The following ASB2 variants were observed in gnomAD, a reference collection of about 807,000 sequenced individuals.
ASB2 encodes the protein ankyrin repeat and SOCS box protein 2.
A neutral mutation model predicts 62.4 loss-of-function variants in ASB2; 58 were observed. The ratio of observed to expected loss-of-function variants is 0.93; its 90% CI spans 0.75 to 1.16. ASB2 has a LOEUF of 1.16. Ranked by LOEUF, ASB2 falls within the 50% of genes most tolerant of loss-of-function variation. The probability of loss-of-function intolerance (pLI) is 0.00; values close to 1 mark genes in which losing one functional copy is unlikely to be tolerated. For missense variants in ASB2, 928 were observed against 887.9 expected (o/e 1.05, Z -0.57); for synonymous variants, 386 against 385.3 (o/e 1.00, Z -0.02).
At chr14:93,966,437 T>C (rs7155044) in intron 1 of ASB2, among the ~76,000 whole-genome samples, 77,349 of 152,054 alleles carry the variant, frequency 0.51, 20,560 homozygotes, top group East Asian at 0.98. Context: ...AAAGAGAGAG[T>C]AGTGAACAAA....
At position 93,971,399 on chromosome 14, in the gene ASB2, T is replaced by C. The variant is rs72700353; in HGVS notation, c.-74+5035A>G. On this transcript the variant is annotated intron_variant, in intron 1 of 9. Coordinates refer to ENST00000555019, the MANE Select transcript of ASB2 (RefSeq NM_001202429.2). ...CCCTGCCCTCTCTGCTCACATCATCTGCTGCCCTAGACTTTGGAGGCTTGA... is the reference window on the plus strand; with the variant it reads ...CCCTGCCCTCTCTGCTCACATCATCCGCTGCCCTAGACTTTGGAGGCTTGA... 9.2e-3 allele frequency among the ~76,000 whole-genome samples: 1,399 copies of C among 152,356 alleles called. 14 individuals carry two copies. The highest frequency in any genetic ancestry group is 0.024 in the Middle Eastern group (7 of 294).
rs748013844 is a variant in ASB2, at chr14:93,956,909, C to T, written c.207-39G>A. The stretch of plus-strand genomic sequence containing the variant: ...AGCAGGAGTGAAAGAGGGAAAAGTA[C>T]TCTGCATAGGAGAAGCGGGTCATGG... On this transcript the variant is annotated intron_variant, in intron 2 of 9. Coordinates refer to ENST00000555019, the MANE Select transcript of ASB2 (RefSeq NM_001202429.2). 4.3e-6 allele frequency: 7 copies of T among 1,613,608 alleles called. No individual in the cohort carries two copies. In the African/African-American group the frequency reaches 8.0e-5, roughly 18 times the overall value.
At chr14:93,946,755 T>C (rs1264848562) in intron 7 of ASB2, among the ~76,000 whole-genome samples, 1 of 152,248 alleles carries the variant, frequency 6.6e-6, no homozygotes, top group Non-Finnish European at 1.5e-5. Flanking sequence ...TCACTCAGAG[T>C]ATCTAGCACT....
At chr14:93,952,148 C>A (rs1282643470) in intron 5 of ASB2, among the ~76,000 whole-genome samples, 3 of 152,244 alleles carry the variant, frequency 2.0e-5, no homozygotes, top group African/African-American at 7.2e-5. Flanking sequence ...CCTTCTACCT[C>A]TCTAAGCCTT....
chr14:93,957,170 G>A, intron 2 of ASB2: 1 of 1,355,468 alleles, frequency 7.4e-7, no homozygotes, highest in Non-Finnish European at 9.4e-7. Context: ...CACGAAAGAG[G>A]CAGATAGGAA....
chr14:93,966,734 C>T (rs1454125407), intron 1 of ASB2, among the ~76,000 whole-genome samples: 1 of 152,208 alleles, frequency 6.6e-6, no homozygotes, highest in African/African-American at 2.4e-5. Context: ...ACGAATGTCT[C>T]TCAGGCCTGG....
intron 1 of ASB2, among the ~76,000 whole-genome samples, chr14:93,975,909 C>G (rs561281899): frequency 6.6e-6 from 1 of 152,238 alleles, no homozygotes; most frequent in African/African-American, 2.4e-5. Flanking sequence ...ACATAAATAA[C>G]ATTCCTCCAT....
rs111466526 is a variant in ASB2, at chr14:93,974,917, G to A, written c.-74+1517C>T. On this transcript the variant is annotated intron_variant, in intron 1 of 9. Transcript: ENST00000555019. ...GGGTTAGACAGTGTCCCCCACCCCC[G>A]CCACCACAAGGCACTCATGACCCGG... 2.9e-3 allele frequency among the ~76,000 whole-genome samples: 437 copies of A among 151,464 alleles called. 1 individual carries two copies. Among genetic ancestry groups the A allele is most frequent in the African/African-American group, 9.4e-3 (388 of 41,266 alleles).
intron 1 of ASB2, among the ~76,000 whole-genome samples, chr14:93,967,960 G>A (rs535994864): frequency 5.6e-4 from 86 of 152,232 alleles, no homozygotes; most frequent in African/African-American, 1.9e-3. Context: ...AAGCTACTTC[G>A]CTATGCTGTA....
At chr14:93,963,416 C>G (rs1889476348) in intron 2 of ASB2, among the ~76,000 whole-genome samples, 1 of 152,154 alleles carries the variant, frequency 6.6e-6, no homozygotes, top group African/African-American at 2.4e-5. Context: ...GGAGCAAAAG[C>G]AATTTTATGG....
chr14:93,970,959 C>T (rs530498752), intron 1 of ASB2, among the ~76,000 whole-genome samples: 38 of 152,334 alleles, frequency 2.5e-4, no homozygotes, highest in Non-Finnish European at 5.0e-4. Flanking sequence ...TTCCACAGGT[C>T]CCAAGATGCT....
At position 93,975,024 on chromosome 14, in the gene ASB2, C is replaced by T. The variant is rs1324656147; in HGVS notation, c.-74+1410G>A. ...CCAGCTTCTTGGGGACGCTGTGCAG[C>T]ACATGGGCCTGCCACCAGCTGTCAG... On this transcript the variant is annotated intron_variant, in intron 1 of 9. Coordinates refer to ENST00000555019, the MANE Select transcript of ASB2 (RefSeq NM_001202429.2). Among the ~76,000 whole-genome samples the T allele has an allele frequency of 3.9e-5, 6 of 152,244 alleles. 1 individual carries two copies.
Position 93,939,445 on chromosome 14 carries a change from G to A in ASB2, c.1280C>T (p.Thr427Ile), listed in dbSNP as rs1888418078. Residue 427 changes from threonine (T) to isoleucine (I), a missense_variant, in exon 8 of 10, where the codon ACC (threonine) becomes ATC (isoleucine). Coordinates refer to ENST00000555019, the MANE Select transcript of ASB2 (RefSeq NM_001202429.2). ...GGCGCCGTGTTGCAGCAGCAGCTCG[G>A]TGGCGTACACGTTGTTGTTGACCAC... ...FAVVNNNVYA[T>I]ELLLQHGADP... 6.2e-7 allele frequency: 1 copy of A among 1,612,588 alleles called. No homozygotes were observed. The highest frequency in any genetic ancestry group is 1.3e-5 in the African/African-American group (1 of 74,926).
chr14:93,946,656 G>GA (rs1332902048), intron 7 of ASB2, among the ~76,000 whole-genome samples: 1 of 152,210 alleles, frequency 6.6e-6, no homozygotes, highest in Non-Finnish European at 1.5e-5. Flanking sequence ...CAGCTCTTCG[G>GA]CATGCTCTTT....
chr14:93,957,224 G>T (rs1163417979), intron 2 of ASB2: 35 of 1,248,462 alleles, frequency 2.8e-5, no homozygotes, highest in Non-Finnish European at 3.5e-5. Flanking sequence ...GCCGTGGTCG[G>T]CAGGTCCCAG....
In ASB2 at chr14:93,934,561, T is replaced by A. The variant is rs1888200461; in HGVS notation, c.*95A>T. ...GAGAGGGAGGCAGCCTGCAGCCTCG[T>A]CTGTCACCAGGTCCCCTTGGAGTTG... On this transcript the variant is annotated 3_prime_UTR_variant, in exon 10 of 10. Coordinates refer to ENST00000555019, the MANE Select transcript of ASB2 (RefSeq NM_001202429.2). 1 of 1,349,342 alleles carries A rather than the reference T, an allele frequency of 7.4e-7. No homozygotes were observed. Among genetic ancestry groups the A allele is most frequent in the East Asian group, 2.3e-5 (1 of 43,378 alleles). The allele number at this position is 1,349,342 out of a possible 1,614,324, so 83.6% of individuals were successfully genotyped here.
chr14:93,964,456 A>C lies in ASB2; in HGVS notation c.84T>G (p.Asp28Glu). The change falls in exon 2 of 10, where the codon GAT (aspartate) becomes GAG (glutamate). Residue 28 changes from aspartate to glutamate, a missense_variant. Asp to Glu is a conservative substitution (Grantham distance 45). Transcript: ENST00000555019. ...EYSLYSSLSEDELVQMAIEQS... is the reference protein window; with the variant it reads ...EYSLYSSLSEEELVQMAIEQS... ...GCTCGATGGCCATCTGCACCAGTTC[A>C]TCCTCGCTCAGGCTGCTGTACAGGC... is the stretch of plus-strand genomic sequence containing the variant. 6.5e-7 allele frequency: 1 copy of C among 1,536,080 alleles called. No homozygotes were observed. The highest frequency in any genetic ancestry group is 2.0e-5 in the Admixed American group (1 of 50,998).
Position 93,937,738 on chromosome 14 carries a change from G to C in ASB2, c.1731C>G (p.Ile577Met). 6.2e-7 allele frequency: 1 copy of C among 1,612,872 alleles called. No homozygotes were observed. Among genetic ancestry groups the C allele is most frequent in the Non-Finnish European group, 8.5e-7 (1 of 1,178,928 alleles). The change falls in exon 9 of 10, where the codon ATC (isoleucine) becomes ATG (methionine). Residue 577 changes from isoleucine (I) to methionine (M), a missense_variant. Physicochemically the swap from Ile to Met is conservative, Grantham distance 10. Coordinates refer to ENST00000555019, the MANE Select transcript of ASB2 (RefSeq NM_001202429.2). ...TGACGGCCCAGTCCTCAAAGCTGTC[G>C]ATGTGTTCCTTCAGCCGCGAGCAGA... ...VQLCSRLKEH[I>M]DSFEDWAVIK... is the part of the protein sequence containing the mutation.
At chr14:93,954,085 T>G in intron 4 of ASB2, 1 of 553,130 alleles carries the variant, frequency 1.8e-6, no homozygotes, top group Non-Finnish European at 3.2e-6. Flanking sequence ...CCTCATTCCT[T>G]TTCTAGGAAT....
Sources: allele counts gnomAD v4.1 joint callset (sites outside exome capture counted in the v4.1 genomes callset), GRCh38; gene constraint gnomAD v4.1.1; transcripts MANE v1.5; gene names NCBI Gene and HGNC (gene_info 2026-07-23, HGNC 2026-07-21).